The following DNAH11 variants were observed in gnomAD, a reference collection of about 807,000 sequenced individuals.
The protein encoded by DNAH11 is axonemal beta dynein heavy chain 11.
DNAH11 carries 442 observed loss-of-function variants against 526.0 expected under a neutral mutation model. The ratio of observed to expected loss-of-function variants is 0.84; its 90% confidence interval spans 0.78 to 0.91. The LOEUF is 0.91. Among genes scored for constraint, DNAH11 ranks in the 40% least tolerant of loss-of-function variants. The pLI is 0.00. For missense variants in DNAH11, 6,989 were observed against 5,448.7 expected (o/e 1.28, Z -8.90); for synonymous variants, 2,461 against 1,935.9 (o/e 1.27, Z -7.12).
chr7:21,640,711 C>A (rs556471460), intron 28 of DNAH11, among the ~76,000 whole-genome samples: 1 of 151,998 alleles, frequency 6.6e-6, no homozygotes, highest in Non-Finnish European at 1.5e-5. Flanking sequence ...TCTCCTGGTC[C>A]CCCTTTCTTA....
intron 45 of DNAH11, among the ~76,000 whole-genome samples, chr7:21,726,636 C>T (rs549466072): frequency 9.2e-5 from 14 of 151,502 alleles, no homozygotes; most frequent in African/African-American, 3.1e-4. Context: ...CCGAGGTGGG[C>T]AGATCACGAG....
intron 8 of DNAH11, among the ~76,000 whole-genome samples, chr7:21,574,531 T>C (rs1191580875): frequency 6.6e-6 from 1 of 151,748 alleles, no homozygotes; most frequent in African/African-American, 2.4e-5. Context: ...CTGCATACTT[T>C]TGTTTTCCCT....
intron 25 of DNAH11, among the ~76,000 whole-genome samples, chr7:21,624,201 C>G (rs1383543969): frequency 6.6e-6 from 1 of 151,996 alleles, no homozygotes; most frequent in Non-Finnish European, 1.5e-5. Flanking sequence ...ACTTTAAATA[C>G]TGAATACCTT....
In DNAH11 at chr7:21,762,808, G is replaced by T. The variant is rs564213728; in HGVS notation, c.8941-2620G>T. Among the ~76,000 whole-genome samples the T allele has an allele frequency of 2.6e-5, 4 of 152,188 alleles. No homozygotes were observed. The South Asian group carries it at 8.3e-4, about 32-fold the overall frequency. ...GGGAAATCTTCAGAAGATTCATCTTGGCAATGATTTCTTTGACATGACACC... is the reference window on the plus strand; with the variant it reads ...GGGAAATCTTCAGAAGATTCATCTTTGCAATGATTTCTTTGACATGACACC... On this transcript the variant is annotated intron_variant, in intron 54 of 81. Transcript: ENST00000409508.
chr7:21,884,613 G>A lies in DNAH11; in HGVS notation c.12507+203G>A, dbSNP rs1261962046. Among the ~76,000 whole-genome samples, 5 of 152,144 alleles carry A rather than the reference G, an allele frequency of 3.3e-5. No individual in the cohort carries two copies. In the South Asian group the frequency reaches 8.3e-4, roughly 25 times the overall value. ...AATCTGCATTTTCACAAGTCTTCCA[G>A]GTGATCTCTGTGTGTGCTAGAGAGT... On this transcript the variant is annotated intron_variant, in intron 76 of 81. Coordinates refer to ENST00000409508, the MANE Select transcript of DNAH11 (RefSeq NM_001277115.2).
intron 30 of DNAH11, among the ~76,000 whole-genome samples, chr7:21,667,854 TGAATC>T (rs1782480613): frequency 6.6e-6 from 1 of 152,136 alleles, no homozygotes; most frequent in African/African-American, 2.4e-5. Flanking sequence ...TTTCTAGAAT[TGAATC>T]AAAATAATTT....
At chr7:21,580,298 A>G (rs942010944) in intron 8 of DNAH11, among the ~76,000 whole-genome samples, 1 of 152,192 alleles carries the variant, frequency 6.6e-6, no homozygotes, top group Non-Finnish European at 1.5e-5. Flanking sequence ...GCGTGTTAAA[A>G]CTTGTTGGGA....
rs539356764 is a variant in DNAH11, at chr7:21,847,790, C to G, written c.10897-4677C>G. Among the ~76,000 whole-genome samples, 387 of 152,240 alleles carry G rather than the reference C, an allele frequency of 2.5e-3. 3 individuals carry two copies. The highest frequency in any genetic ancestry group is 8.8e-3 in the African/African-American group (364 of 41,546). ...TGAATTGTCCAGCTATAATTGTGGA[C>G]TTGTTTATTTCTCCTTGCAGTTCTT... On this transcript the variant is annotated intron_variant, in intron 66 of 81. Coordinates refer to ENST00000409508, the MANE Select transcript of DNAH11 (RefSeq NM_001277115.2).
In DNAH11 at chr7:21,801,062, CAG is replaced by C. The variant is rs1428155970; in HGVS notation, c.10027-73_10027-72del. ...GGTTTGTCCATTTACCTTACAGTAA[CAG>C]ATGTTTTAAGATGATGGTAATCTCT... On this transcript the variant is annotated intron_variant, in intron 61 of 81. Coordinates refer to ENST00000409508, the MANE Select transcript of DNAH11 (RefSeq NM_001277115.2). The C allele has an allele frequency of 8.1e-6, 12 of 1,475,638 alleles. No individual in the cohort carries two copies. In the African/African-American group the frequency reaches 1.4e-4, roughly 17 times the overall value. The allele number at this position is 1,475,638 out of a possible 1,614,324, so 91.4% of individuals were successfully genotyped here. A position where few individuals can be genotyped will look rare whatever the true frequency, so the allele number is the denominator to read the frequency against.
chr7:21,559,470 C>T (rs1460570120), intron 3 of DNAH11, 133 bp from the exon 4 acceptor site: 1 of 750,452 alleles, frequency 1.3e-6, no homozygotes, highest in African/African-American at 1.8e-5. Flanking sequence ...AAATCAAGAC[C>T]ATAAAAATAA....
chr7:21,684,139 T>C (rs1215421012), intron 32 of DNAH11, among the ~76,000 whole-genome samples, 195 bp downstream of exon 32: 1 of 152,234 alleles, frequency 6.6e-6, no homozygotes, highest in African/African-American at 2.4e-5. Flanking sequence ...TGGATTAATA[T>C]GGCTCAAGGA....
intron 54 of DNAH11, among the ~76,000 whole-genome samples, chr7:21,753,729 T>C (rs1011085072): frequency 3.3e-5 from 5 of 152,224 alleles, no homozygotes; most frequent in Non-Finnish European, 7.3e-5. Flanking sequence ...TAGTAAAGCT[T>C]TATCATTTAT....
chr7:21,751,661 T>C (rs146148298), intron 54 of DNAH11, among the ~76,000 whole-genome samples: 51 of 152,312 alleles, frequency 3.3e-4, no homozygotes, highest in Middle Eastern at 3.4e-3. Context: ...GGTACTGGCA[T>C]TGGCCCTGAA....
intron 66 of DNAH11, among the ~76,000 whole-genome samples, chr7:21,846,542 A>C (rs1163574399): frequency 6.6e-6 from 1 of 152,156 alleles, no homozygotes; most frequent in African/African-American, 2.4e-5. Flanking sequence ...CCAGACTTGC[A>C]TACCTGGAAT....
chr7:21,866,191 A>G (rs537204496), intron 70 of DNAH11, among the ~76,000 whole-genome samples: 57 of 152,232 alleles, frequency 3.7e-4, no homozygotes, highest in African/African-American at 1.3e-3. Flanking sequence ...CTCTGACAGA[A>G]GTACCCCCAC....
Position 21,564,202 on chromosome 7 carries a change from A to C in DNAH11, c.999A>C (p.Gln333His), listed in dbSNP as rs769585740. The change falls in exon 6 of 82, where the codon CAA becomes CAC. Residue 333 changes from glutamine (Q) to histidine (H), a missense_variant. By Grantham distance (24) the Gln-to-His change is conservative. Coordinates refer to ENST00000409508, the MANE Select transcript of DNAH11 (RefSeq NM_001277115.2). ...TGCTTTCAGCTCTTCTCGAAGCCCAAGATGTGGAACTTTACCTGAGACCTC... is the reference window on the plus strand; with the variant it reads ...TGCTTTCAGCTCTTCTCGAAGCCCACGATGTGGAACTTTACCTGAGACCTC... Reference protein sequence around the residue: ...LAVENALLEAQDVELYLRPLR... With the variant: ...LAVENALLEAHDVELYLRPLR... 3 of 1,589,894 alleles carry C rather than the reference A, an allele frequency of 1.9e-6. No homozygotes were observed. The South Asian group carries it at 3.5e-5, about 19-fold the overall frequency.
intron 54 of DNAH11, among the ~76,000 whole-genome samples, chr7:21,762,876 A>T (rs1477971062): frequency 6.6e-6 from 1 of 152,238 alleles, no homozygotes; most frequent in African/African-American, 2.4e-5. Flanking sequence ...AGTGTACTAC[A>T]TCAAACTAAA....
At chr7:21,565,747 C>T (rs886588952) in intron 6 of DNAH11, among the ~76,000 whole-genome samples, 4 of 152,150 alleles carry the variant, frequency 2.6e-5, no homozygotes, top group Non-Finnish European at 5.9e-5. Context: ...TCAAAGATAA[C>T]CTAAGTGAAA....
chr7:21,801,988 C>G (rs540988239), intron 62 of DNAH11, among the ~76,000 whole-genome samples: 1 of 152,182 alleles, frequency 6.6e-6, no homozygotes, highest in Non-Finnish European at 1.5e-5. Context: ...TGCTCCACAA[C>G]GTGGCATTTA....
Sources: allele counts gnomAD v4.1 joint callset (sites outside exome capture counted in the v4.1 genomes callset), GRCh38; gene constraint gnomAD v4.1.1; transcripts MANE v1.5; gene names NCBI Gene and HGNC (gene_info 2026-07-23, HGNC 2026-07-21).